AEN: variants seen among roughly 807,000 people sequenced by gnomAD.
AEN encodes apoptosis-enhancing nuclease.
In AEN, 21 loss-of-function variants were observed where a neutral mutation model predicts 17.7. The observed-to-expected ratio is 1.19, with a 90% CI of 0.84 to 1.71. AEN has a LOEUF of 1.71. AEN is among the 40% of genes most tolerant of loss of function. AEN has a pLI of 0.00. For missense variants in AEN, 462 were observed against 435.9 expected (o/e 1.06, Z -0.53); for synonymous variants, 190 against 173.0 (o/e 1.10, Z -0.77).
Position 88,629,273 on chromosome 15 carries a change from C to G in AEN, c.588C>G (p.His196Gln), listed in dbSNP as rs777929853. ...AGGTGGTGGTGGGGCACGCGCTGCA[C>G]AACGACTTCCAGGCGCTCAAGTATG... is the stretch of plus-strand genomic sequence containing the variant. The part of the protein sequence containing the change: ...KGKVVVGHAL[H>Q]NDFQALKYVH... Residue 196 changes from histidine (H) to glutamine (Q), a missense_variant, in exon 3 of 4, where the codon CAC (histidine) becomes CAG (glutamine). Physicochemically the swap from His to Gln is conservative, Grantham distance 24. Transcript: ENST00000332810. The G allele has an allele frequency of 8.1e-6, 13 of 1,614,040 alleles. 1 individual carries two copies. The South Asian group carries it at 8.8e-5, about 11-fold the overall frequency.
the AEN span, among the ~76,000 whole-genome samples, chr15:88,612,571 TTTTATTTATTTATTTATTTA>T: frequency 0.014 from 1,973 of 140,534 alleles, 59 homozygotes; most frequent in African/African-American, 0.049. Flanking sequence ...TTTCCCAGCC[TTTTATTTATTTATTTATTTA>T]TTTATTTATT....
chr15:88,606,264 C>G, the AEN span, among the ~76,000 whole-genome samples: 4 of 152,128 alleles, frequency 2.6e-5, no homozygotes, highest in Admixed American at 6.5e-5. Flanking sequence ...CCCGCGCTCT[C>G]TGTATGCCTT....
chr15:88,616,098 G>GT, the AEN span, among the ~76,000 whole-genome samples: 62,219 of 150,324 alleles, frequency 0.41, 13,958 homozygotes, highest in East Asian at 0.62. Flanking sequence ...GGCGTTTTTT[G>GT]TTTTTTTTTC....
intron 3 of AEN, 130 bp downstream of exon 3, chr15:88,629,556 A>G: frequency 8.7e-7 from 1 of 1,144,378 alleles, no homozygotes; most frequent in Non-Finnish European, 1.2e-6. Context: ...AGGTCCAGGG[A>G]CCTTGCTTAA....
chr15:88,613,389 T>G, the AEN span, among the ~76,000 whole-genome samples: 1 of 152,160 alleles, frequency 6.6e-6, no homozygotes, highest in South Asian at 2.1e-4. Context: ...TCATTTACAC[T>G]TCAGAAGTCT....
upstream of AEN, among the ~76,000 whole-genome samples, chr15:88,620,294 ATTGTACAAAT>A (rs1427261255): frequency 1.3e-5 from 2 of 152,172 alleles, no homozygotes; most frequent in Non-Finnish European, 2.9e-5. Flanking sequence ...TAGTAAGGTC[ATTGTACAAAT>A]TAACTGAGTA....
At chr15:88,609,684 A>G in the AEN span, among the ~76,000 whole-genome samples, 6 of 152,322 alleles carry the variant, frequency 3.9e-5, no homozygotes, top group Non-Finnish European at 5.9e-5. Context: ...CTTTGAGACT[A>G]CAGCAGCCTC....
At chr15:88,618,784 C>T (rs1465254650), upstream of AEN, among the ~76,000 whole-genome samples, 1 of 152,136 alleles carries the variant, frequency 6.6e-6, no homozygotes, top group Non-Finnish European at 1.5e-5. Context: ...TATCTATACT[C>T]ATGTATTTAT....
In AEN at chr15:88,629,369, C is replaced by T. The variant is rs1289204568; in HGVS notation, c.684C>T (p.Thr228=). ...TCCTCAGCGAGCCCGGCCTCCACACCCGGGCCCGGGTCTCTCTAAAGGACC... is the reference window on the plus strand; with the variant it reads ...TCCTCAGCGAGCCCGGCCTCCACACTCGGGCCCGGGTCTCTCTAAAGGACC... ...PNFLSEPGLH[T]RARVSLKDLA... is the part of the protein sequence containing the mutation. The change falls in exon 3 of 4, where the codon ACC becomes ACT. Residue 228 remains threonine (T), a synonymous_variant. Transcript: ENST00000332810. The T allele has an allele frequency of 6.2e-7, 1 of 1,614,042 alleles. No homozygotes were observed. The highest frequency in any genetic ancestry group is 1.3e-5 in the African/African-American group (1 of 74,930).
rs139840999 is a variant in AEN at position 88,625,677 on chromosome 15, A to G, written c.-64-469A>G. ...TCTTAAAAAAGGCTATACAGTTTCT[A>G]TAACCTTTATTTTCCTATAACCATA... On this transcript the variant is annotated intron_variant, in intron 1 of 3. Transcript: ENST00000332810. Among the ~76,000 whole-genome samples the G allele has an allele frequency of 8.5e-5, 13 of 152,344 alleles. No homozygotes were observed. The East Asian group carries it at 2.3e-3, about 27-fold the overall frequency.
intron 2 of AEN, chr15:88,627,459 C>CTTTTTTTTTTTTTTTT (rs11371024): frequency 1.4e-5 from 2 of 141,126 alleles, no homozygotes; most frequent in African/African-American, 2.6e-5. Flanking sequence ...CATCTTGTTT[C>CTTTTTTTTTTTTTTTT]TTTTTTTTTT....
the AEN span, among the ~76,000 whole-genome samples, chr15:88,612,803 G>A: frequency 6.6e-6 from 1 of 152,012 alleles, no homozygotes. Flanking sequence ...GGTTTGCTAT[G>A]TTGGTCAGGC....
the AEN span, among the ~76,000 whole-genome samples, chr15:88,615,911 A>G: frequency 6.6e-6 from 1 of 152,170 alleles, no homozygotes; most frequent in Non-Finnish European, 1.5e-5. Context: ...TGACTGTAGC[A>G]TAATGATTTG....
the AEN span, among the ~76,000 whole-genome samples, chr15:88,608,441 T>G: frequency 6.6e-6 from 1 of 152,252 alleles, no homozygotes; most frequent in Non-Finnish European, 1.5e-5. Context: ...TCTTTCCAAG[T>G]CAGTGCAGGT....
chr15:88,611,212 G>T, the AEN span, among the ~76,000 whole-genome samples: 1 of 152,076 alleles, frequency 6.6e-6, no homozygotes, highest in Admixed American at 6.5e-5. Flanking sequence ...TCTTCTGCAT[G>T]GTGGTTCAAT....
At chr15:88,624,430 C>T (rs769093863) in intron 1 of AEN, among the ~76,000 whole-genome samples, 5 of 152,174 alleles carry the variant, frequency 3.3e-5, no homozygotes, top group Non-Finnish European at 7.4e-5. Context: ...AGAGTCTAAC[C>T]TCTCTGGGAG....
chr15:88,630,371 C>T lies in AEN; in HGVS notation c.*77C>T, dbSNP rs1437894165. 7.1e-7 allele frequency: 1 copy of T among 1,398,892 alleles called. No homozygotes were observed. Among genetic ancestry groups the T allele is most frequent in the Non-Finnish European group, 9.8e-7 (1 of 1,018,280 alleles). 86.7% of individuals were successfully genotyped at this position (1,398,892 alleles called of 1,614,324 possible). Reference sequence around the variant, plus strand: ...GGGGCCAGGAGAGCAGCGGGCACTCCTTCCTGGGCAGGGTGGGGCAGGATG... The same window carrying T: ...GGGGCCAGGAGAGCAGCGGGCACTCTTTCCTGGGCAGGGTGGGGCAGGATG... On this transcript the variant is annotated 3_prime_UTR_variant, in exon 4 of 4. Coordinates refer to ENST00000332810, the MANE Select transcript of AEN (RefSeq NM_022767.4). This position sits in a 1 kb window ranked among gnomAD's most constrained non-coding sequence, Gnocchi z 5.1.
At chr15:88,610,995 C>T in the AEN span, among the ~76,000 whole-genome samples, 1 of 152,176 alleles carries the variant, frequency 6.6e-6, no homozygotes, top group Non-Finnish European at 1.5e-5. Flanking sequence ...GATGACTGGG[C>T]CAGGATTCCA....
At chr15:88,607,611 C>T in the AEN span, among the ~76,000 whole-genome samples, 1 of 152,196 alleles carries the variant, frequency 6.6e-6, no homozygotes. Context: ...CTTGACAACA[C>T]GGGGTTGGAG....
Sources: gnomAD v4.1 joint callset for allele counts (sites outside exome capture counted in the v4.1 genomes callset) on GRCh38, gnomAD v4.1.1 for gene constraint, Gnocchi (gnomAD v3.1) non-coding constraint, MANE v1.5 for transcripts, NCBI Gene and HGNC (gene_info 2026-07-23, HGNC 2026-07-21) for gene names.